MRC2: variants seen among roughly 807,000 people sequenced by gnomAD.
The protein encoded by MRC2 is C-type mannose receptor 2.
Under a neutral mutation model 206.2 loss-of-function variants are expected in MRC2, and 84 were observed. The ratio of observed to expected loss-of-function variants is 0.41; its 90% CI spans 0.34 to 0.49. The LOEUF is 0.49. Among genes scored for constraint, MRC2 ranks in the 20% least tolerant of loss-of-function variants. MRC2 has a pLI of 0.31. For missense variants in MRC2, 1,676 were observed against 2,001.5 expected (o/e 0.84, Z 3.10); for synonymous variants, 798 against 800.0 (o/e 1.00, Z 0.04).
At position 62,666,489 on chromosome 17, in the gene MRC2, G is replaced by A; in HGVS notation, c.729G>A (p.Gln243=). The A allele has an allele frequency of 6.2e-7, 1 of 1,614,048 alleles. No individual in the cohort carries two copies. Among genetic ancestry groups the A allele is most frequent in the Non-Finnish European group, 8.5e-7 (1 of 1,180,008 alleles). The part of the protein sequence containing the change: ...NDCETFWDKD[Q]LTDSCYQFNF... ...GCGAGACCTTCTGGGACAAGGACCA[G>A]CTGACTGACAGCTGCTACCAGTTTA... The change falls in exon 4 of 30, where the codon CAG becomes CAA. Residue 243 remains glutamine (Q), a synonymous_variant. Coordinates refer to ENST00000303375, the MANE Select transcript of MRC2 (RefSeq NM_006039.5). The surrounding 1 kb of genome is among the most constrained non-coding windows in gnomAD (Gnocchi z 5.0).
chr17:62,673,274 T>C (rs1231769979), intron 8 of MRC2, among the ~76,000 whole-genome samples: 1 of 152,088 alleles, frequency 6.6e-6, no homozygotes, highest in Non-Finnish European at 1.5e-5. Context: ...CTGTGGATAC[T>C]GGGGAGGGCG....
At chr17:62,684,123 T>C (rs142166975) in intron 20 of MRC2, 11 of 152,354 alleles carry the variant, frequency 7.2e-5, no homozygotes, top group Middle Eastern at 3.4e-3. Context: ...TCTGACACTT[T>C]ATGACTCATG....
chr17:62,653,495 C>T (rs2088582725), intron 1 of MRC2, among the ~76,000 whole-genome samples: 1 of 152,202 alleles, frequency 6.6e-6, no homozygotes. Flanking sequence ...CACCCATTCC[C>T]TGCCAGAGTG....
chr17:62,636,486 T>G (rs1448333286), intron 1 of MRC2, among the ~76,000 whole-genome samples: 1 of 101,002 alleles, frequency 9.9e-6, no homozygotes, highest in Non-Finnish European at 2.0e-5. Flanking sequence ...TTTTTTTTTT[T>G]GAGACGGAGT....
intron 1 of MRC2, among the ~76,000 whole-genome samples, chr17:62,653,315 C>G (rs1479620679): frequency 6.6e-6 from 1 of 152,146 alleles, no homozygotes; most frequent in African/African-American, 2.4e-5. Flanking sequence ...GATTTGCCTT[C>G]CCAGAGAACC....
chr17:62,670,860 C>T (rs2088818726), intron 6 of MRC2, among the ~76,000 whole-genome samples: 1 of 152,030 alleles, frequency 6.6e-6, no homozygotes. Context: ...GCTCAAGGTC[C>T]CGTTTCCCAG....
chr17:62,690,040 G>A lies in MRC2; in HGVS notation c.3720G>A (p.Gly1240=). Residue 1240 remains glycine, a synonymous_variant, in exon 25 of 30, where the codon GGG becomes GGA. Transcript: ENST00000303375. The part of the protein sequence containing the change: ...RTTSCDTKLQ[G]AVCGVSSGPP... ...CCAGCTGTGACACCAAGCTGCAGGG[G>A]GCTGTGTGTGGGGTTAGCAGTGGTG... 6.2e-7 allele frequency: 1 copy of A among 1,606,246 alleles called. No individual in the cohort carries two copies. The highest frequency in any genetic ancestry group is 1.7e-4 in the Middle Eastern group (1 of 5,968).
In MRC2 at chr17:62,646,201, T is replaced by C. The variant is rs553983401; in HGVS notation, c.118+18281T>C. Among the ~76,000 whole-genome samples the C allele has an allele frequency of 5.9e-5, 9 of 152,118 alleles. 1 individual carries two copies. In the South Asian group the frequency reaches 8.3e-4, roughly 14 times the overall value. On this transcript the variant is annotated intron_variant, in intron 1 of 29. Coordinates refer to ENST00000303375, the MANE Select transcript of MRC2 (RefSeq NM_006039.5). ...CACCATGCCCAGCTAATTTTTTGTA[T>C]TTTTAGTAGAGACGGGGTTTCACCG...
intron 1 of MRC2, among the ~76,000 whole-genome samples, chr17:62,643,330 A>AC (rs2088430856): frequency 8.7e-6 from 1 of 115,486 alleles, no homozygotes; most frequent in African/African-American, 2.8e-5. Flanking sequence ...ACTCCGTCAA[A>AC]AAAAAAAAAA....
At position 62,680,432 on chromosome 17, in the gene MRC2, G is replaced by A. The variant is rs771326614; in HGVS notation, c.2452G>A (p.Glu818Lys). ...CKIPRGTDVREPDDSPQGRRE... is the reference protein window; with the variant it reads ...CKIPRGTDVRKPDDSPQGRRE... ...TGTTCCCCTAGGTACGGACGTGCGG[G>A]AGCCCGACGACAGCCCTCAAGGTGA... The change falls in exon 16 of 30, where the codon GAG (glutamate) becomes AAG (lysine). Residue 818 changes from glutamate (E) to lysine (K), a missense_variant. Glu to Lys is a moderately conservative substitution (Grantham distance 56). Around this residue, in one of 3 missense-constraint regions of MRC2, gnomAD observed 1,354 missense variants for 1,636.6 expected, o/e 0.83. Transcript: ENST00000303375. This position sits in a 1 kb window ranked among gnomAD's most constrained non-coding sequence, Gnocchi z 4.8. 2.5e-6 allele frequency: 4 copies of A among 1,614,094 alleles called. No individual in the cohort carries two copies. The Admixed American group carries it at 6.7e-5, about 27-fold the overall frequency.
Position 62,641,895 on chromosome 17 carries a change from C to CTG in MRC2, c.118+13998_118+13999dup, listed in dbSNP as rs4058579. 7.5e-3 allele frequency among the ~76,000 whole-genome samples: 1,122 copies of CTG among 149,646 alleles called. 5 individuals carry two copies. The highest frequency in any genetic ancestry group is 0.019 in the African/African-American group (762 of 40,866). Reference sequence around the variant, plus strand: ...TTGCCACATTTGCTTATCTCACTCTCTGTGTGTGTGTGTGTGTGTGTGTGG... The same window carrying CTG: ...TTGCCACATTTGCTTATCTCACTCTCTGTGTGTGTGTGTGTGTGTGTGTGTGG... On this transcript the variant is annotated intron_variant, in intron 1 of 29. Coordinates refer to ENST00000303375, the MANE Select transcript of MRC2 (RefSeq NM_006039.5).
intron 1 of MRC2, among the ~76,000 whole-genome samples, chr17:62,641,358 G>A (rs2088401386): frequency 2.0e-5 from 3 of 151,322 alleles, no homozygotes; most frequent in African/African-American, 7.3e-5. Context: ...GAAAGATGGA[G>A]GCAATCGACT....
Position 62,681,874 on chromosome 17 carries a change from G to A in MRC2, c.2740G>A (p.Ala914Thr), listed in dbSNP as rs2088972057. 9 of 1,613,836 alleles carry A rather than the reference G, an allele frequency of 5.6e-6. No individual in the cohort carries two copies. The highest frequency in any genetic ancestry group is 7.6e-6 in the Non-Finnish European group (9 of 1,179,984). Residue 914 changes from alanine to threonine, a missense_variant, in exon 19 of 30, where the codon GCA becomes ACA. Ala to Thr is a moderately conservative substitution (Grantham distance 58). This residue lies in a region of MRC2 where 1,354 missense variants were observed against 1,636.6 expected (regional missense o/e 0.83). Coordinates refer to ENST00000303375, the MANE Select transcript of MRC2 (RefSeq NM_006039.5). The part of the protein sequence containing the change: ...DGSIINFISW[A>T]PGKPRPVGKD... ...TTCCATTATAAACTTCATCTCCTGG[G>A]CACCAGGCAAACCTCGGCCTGTCGG...
rs761184631 is a variant in MRC2 at position 62,627,809 on chromosome 17, C to CCCGG, written c.18_21dup (p.Pro8GlyfsTer105). On this transcript the variant is annotated frameshift_variant, in exon 1 of 30. Coordinates refer to ENST00000303375, the MANE Select transcript of MRC2 (RefSeq NM_006039.5). LOFTEE classifies it high-confidence loss of function. ...CTGAGCGCCGCGCTCGGGGATGGGG[C>CCCGG]CCGGCCGGCCGGCCCCCGCGCCCTG... The CCCGG allele has an allele frequency of 6.9e-7, 1 of 1,441,160 alleles. No individual in the cohort carries two copies. The highest frequency in any genetic ancestry group is 9.0e-7 in the Non-Finnish European group (1 of 1,105,530). The allele number at this position is 1,441,160 out of a possible 1,614,324, so 89.3% of individuals were successfully genotyped here. A position where few individuals can be genotyped will look rare whatever the true frequency, so the allele number is the denominator to read the frequency against.
chr17:62,665,460 C>T (rs2088740413), intron 2 of MRC2, among the ~76,000 whole-genome samples: 1 of 151,068 alleles, frequency 6.6e-6, no homozygotes, highest in South Asian at 2.1e-4. Context: ...AACTTCAAAG[C>T]ATTTAATTTA....
intron 6 of MRC2, among the ~76,000 whole-genome samples, chr17:62,669,722 A>C (rs893675995): frequency 5.3e-5 from 8 of 150,180 alleles, no homozygotes; most frequent in South Asian, 2.1e-4. Context: ...ACGCCCGGCT[A>C]ATTTTTTTGT....
chr17:62,682,403 A>G lies in MRC2; in HGVS notation c.2946+26A>G, dbSNP rs1487122248. ...GTAGGAGGTGGCAATGGGGCACCCA[A>G]GGGAGTCAGGGGAGAGGACGTGAAC... On this transcript the variant is annotated intron_variant, in intron 20 of 29. Coordinates refer to ENST00000303375, the MANE Select transcript of MRC2 (RefSeq NM_006039.5). 2.5e-6 allele frequency: 4 copies of G among 1,597,378 alleles called. No homozygotes were observed. In the East Asian group the frequency reaches 6.7e-5, roughly 27 times the overall value.
At position 62,667,340 on chromosome 17, in the gene MRC2, C is replaced by A; in HGVS notation, c.974-50C>A. ...GTTCTGAGCAGGGCCCCGGGAGCCACGGTGTGAGCTTCTCTCTCCGGGGGT... is the reference window on the plus strand; with the variant it reads ...GTTCTGAGCAGGGCCCCGGGAGCCAAGGTGTGAGCTTCTCTCTCCGGGGGT... On this transcript the variant is annotated intron_variant, in intron 5 of 29. Coordinates refer to ENST00000303375, the MANE Select transcript of MRC2 (RefSeq NM_006039.5). This position sits in a 1 kb window ranked among gnomAD's most constrained non-coding sequence, Gnocchi z 4.1. 1 of 1,533,940 alleles carries A rather than the reference C, an allele frequency of 6.5e-7. No individual in the cohort carries two copies. Among genetic ancestry groups the A allele is most frequent in the South Asian group, 1.3e-5 (1 of 78,746 alleles).
At position 62,666,891 on chromosome 17, in the gene MRC2, C is replaced by A. The variant is rs769956257; in HGVS notation, c.973+21C>A. 21 of 1,604,720 alleles carry A rather than the reference C, an allele frequency of 1.3e-5. No homozygotes were observed. The highest frequency in any genetic ancestry group is 5.5e-5 in the South Asian group (5 of 90,708). On this transcript the variant is annotated intron_variant, in intron 5 of 29. Coordinates refer to ENST00000303375, the MANE Select transcript of MRC2 (RefSeq NM_006039.5). This position sits in a 1 kb window ranked among gnomAD's most constrained non-coding sequence, Gnocchi z 5.0. ...GAGTGGTGAGGCACAAGGTTGGGGG[C>A]GCAGGGCAGCATAGGGGCCCCGCGG...
Sources: allele counts gnomAD v4.1 joint callset (sites outside exome capture counted in the v4.1 genomes callset), GRCh38; gene constraint gnomAD v4.1.1; regional missense constraint gnomAD v4.1.1; non-coding constraint Gnocchi (gnomAD v3.1); transcripts MANE v1.5; gene names NCBI Gene and HGNC (gene_info 2026-07-23, HGNC 2026-07-21).